XKR5: variants seen among roughly 807,000 people sequenced by gnomAD.
The protein encoded by XKR5 is XK related 5.
Under a neutral mutation model 40.8 loss-of-function variants are expected in XKR5, and 46 were observed. That is an observed-to-expected ratio of 1.13 (90% CI 0.89 to 1.44). The LOEUF (loss-of-function observed/expected upper bound fraction) is 1.44. Ranked by LOEUF, XKR5 falls within the 40% of genes most tolerant of loss-of-function variation. The pLI is 0.00. For missense variants in XKR5, 1,169 were observed against 844.7 expected (o/e 1.38, Z -4.76); for synonymous variants, 466 against 356.1 (o/e 1.31, Z -3.48).
rs114406382 is a variant in XKR5 at position 6,816,479 on chromosome 8, T to C, written c.808-561A>G. On this transcript the variant is annotated intron_variant, in intron 5 of 6. Transcript: ENST00000618742. ...GCCCCGTGGCTGCAGCTGGTCAAAATGGCAGATGGTCCAGAAGGCTCTTTG... is the reference window on the plus strand; with the variant it reads ...GCCCCGTGGCTGCAGCTGGTCAAAACGGCAGATGGTCCAGAAGGCTCTTTG... Among the ~76,000 whole-genome samples the C allele has an allele frequency of 4.4e-3, 672 of 152,176 alleles. 6 individuals are homozygous for C. Among genetic ancestry groups the C allele is most frequent in the African/African-American group, 0.015 (642 of 41,524 alleles).
In XKR5 at chr8:6,811,914, A is replaced by T; in HGVS notation, c.1345T>A (p.Leu449Met). The T allele has an allele frequency of 6.5e-7, 1 of 1,537,394 alleles. No homozygotes were observed. The highest frequency in any genetic ancestry group is 8.7e-7 in the Non-Finnish European group (1 of 1,146,944). Reference protein sequence around the residue: ...SQQDYLQRKALSAQQELPSSS... With the variant: ...SQQDYLQRKAMSAQQELPSSS... ...GATGGGAGCTCTTGCTGGGCAGACAAGGCCTTTCTCTGCAGGTAGTCCTGT... is the reference window on the plus strand; with the variant it reads ...GATGGGAGCTCTTGCTGGGCAGACATGGCCTTTCTCTGCAGGTAGTCCTGT... The change falls in exon 7 of 7, where the codon TTG (leucine) becomes ATG (methionine). Residue 449 changes from leucine to methionine, a missense_variant. Coordinates refer to ENST00000618742, the MANE Select transcript of XKR5 (RefSeq NM_207411.5).
At position 6,808,962 on chromosome 8, in the gene XKR5, T is replaced by C. The variant is rs1803560003; in HGVS notation, c.*2236A>G. On this transcript the variant is annotated 3_prime_UTR_variant, in exon 7 of 7. Transcript: ENST00000618742. ...CTTTTGCTGGACACTCTGCTGGACC[T>C]TGGAGTTAGCCCAGAAGGAGGACTG... is the stretch of plus-strand genomic sequence containing the variant. 6.6e-6 allele frequency: 1 copy of C among 152,238 alleles called. No individual in the cohort carries two copies. The highest frequency in any genetic ancestry group is 6.5e-5 in the Admixed American group (1 of 15,284). The allele number at this position is 152,238 out of a possible 1,614,324, so 9.4% of individuals were successfully genotyped here.
chr8:6,812,385 G>A, intron 6 of XKR5, 46 bp from the exon 7 acceptor site: 1 of 1,483,100 alleles, frequency 6.7e-7, no homozygotes, highest in Non-Finnish European at 9.0e-7. Context: ...TTTGAAGTCT[G>A]CATCCTCCCT....
rs905546087 is a variant in XKR5, at chr8:6,815,915, T to G, written c.811A>C (p.Met271Leu). Residue 271 changes from methionine to leucine, a missense_variant, in exon 6 of 7, where the codon ATG becomes CTG. Physicochemically the swap from Met to Leu is conservative, Grantham distance 15 (BLOSUM62 2). Coordinates refer to ENST00000618742, the MANE Select transcript of XKR5 (RefSeq NM_207411.5). ...RNRMVTFYMV[M>L]LLENIILLLL... ...AACAGGATGATGTTCTCCAACAGCA[T>G]GACCTGCGGGACCCAGGACAGAGGC... is the stretch of plus-strand genomic sequence containing the variant. 6.3e-7 allele frequency: 1 copy of G among 1,595,444 alleles called. No individual in the cohort carries two copies.
intron 5 of XKR5, among the ~76,000 whole-genome samples, chr8:6,818,970 A>G (rs1207223966): frequency 6.6e-6 from 1 of 152,228 alleles, no homozygotes; most frequent in African/African-American, 2.4e-5. Context: ...TGAGCCTAGA[A>G]AGTCGAGGCT....
intron 5 of XKR5, among the ~76,000 whole-genome samples, chr8:6,819,143 C>T (rs1442415528): frequency 1.3e-5 from 2 of 152,218 alleles, no homozygotes; most frequent in Non-Finnish European, 1.5e-5. Context: ...CATAGCTGAG[C>T]GATGCTTGGG....
intron 1 of XKR5, among the ~76,000 whole-genome samples, chr8:6,833,908 C>G (rs911006029): frequency 3.9e-5 from 6 of 152,212 alleles, no homozygotes; most frequent in Non-Finnish European, 8.8e-5. Context: ...TGTGCATCCT[C>G]GAGAACGATG....
intron 5 of XKR5, among the ~76,000 whole-genome samples, chr8:6,817,622 G>T (rs370675466): frequency 1.8e-4 from 27 of 152,288 alleles, no homozygotes; most frequent in African/African-American, 6.5e-4. Context: ...AGTGCTGCCA[G>T]GAGAAGGTAC....
chr8:6,811,218 C>G lies in XKR5; in HGVS notation c.2041G>C (p.Glu681Gln). The part of the protein sequence containing the change: ...DCSCREQMKQ[E>Q]PSFFI The stretch of plus-strand genomic sequence containing the variant: ...TGTGGTCAGATGAAAAAACTCGGCT[C>G]TTGCTTCATCTGTTCCCTGCAGCTG... Residue 681 changes from glutamate to glutamine, a missense_variant, in exon 7 of 7, where the codon GAG becomes CAG. Coordinates refer to ENST00000618742, the MANE Select transcript of XKR5 (RefSeq NM_207411.5). The G allele has an allele frequency of 6.5e-7, 1 of 1,536,124 alleles. No individual in the cohort carries two copies. The highest frequency in any genetic ancestry group is 1.2e-5 in the South Asian group (1 of 83,988).
At chr8:6,823,476 A>C (rs1563356371) in intron 4 of XKR5, 45 bp downstream of exon 4, 2 of 1,544,046 alleles carry the variant, frequency 1.3e-6, no homozygotes, top group Admixed American at 2.0e-5. Context: ...TTCTGGGTTG[A>C]TTGGTTATGC....
chr8:6,819,597 G>T (rs1340546963), intron 5 of XKR5, among the ~76,000 whole-genome samples: 1 of 152,186 alleles, frequency 6.6e-6, no homozygotes, highest in Non-Finnish European at 1.5e-5. Flanking sequence ...ACAGGGAGGG[G>T]CCCAGACTCA....
intron 3 of XKR5, among the ~76,000 whole-genome samples, chr8:6,824,346 G>C (rs1804367347): frequency 6.6e-6 from 1 of 151,948 alleles, no homozygotes; most frequent in South Asian, 2.1e-4. Context: ...GGGGAGAAAA[G>C]GGGATAGCAG....
rs188463828 is a variant in XKR5, at chr8:6,832,517, T to G, written c.242+200A>C. Among the ~76,000 whole-genome samples, 3 of 152,200 alleles carry G rather than the reference T, an allele frequency of 2.0e-5. No homozygotes were observed. In the East Asian group the frequency reaches 5.8e-4, roughly 29 times the overall value. On this transcript the variant is annotated intron_variant, in intron 2 of 6. Coordinates refer to ENST00000618742, the MANE Select transcript of XKR5 (RefSeq NM_207411.5). The stretch of plus-strand genomic sequence containing the variant: ...CACAGCTTCACAGAGAAAGAGCCCC[T>G]GAGGTTGGAGATGCTCAAAAAAGTG...
At chr8:6,817,292 C>T (rs1378945989) in intron 5 of XKR5, among the ~76,000 whole-genome samples, 3 of 152,190 alleles carry the variant, frequency 2.0e-5, no homozygotes, top group Non-Finnish European at 4.4e-5. Flanking sequence ...GTCCCTACTT[C>T]TCAACAGAGC....
At position 6,808,562 on chromosome 8, in the gene XKR5, G is replaced by A. The variant is rs9693931; in HGVS notation, c.*2636C>T. ...TTATTAGTCTTCTCTAATAAATATA[G>A]TGTATATTTTCTGATCCTTTTCATC... On this transcript the variant is annotated 3_prime_UTR_variant, in exon 7 of 7. Coordinates refer to ENST00000618742, the MANE Select transcript of XKR5 (RefSeq NM_207411.5). The A allele has an allele frequency of 0.39, 58,800 of 151,918 alleles. 12,023 individuals are homozygous for A. The highest frequency in any genetic ancestry group is 0.56 in the East Asian group (2,913 of 5,160). The allele number at this position is 151,918 out of a possible 1,614,324, so 9.4% of individuals were successfully genotyped here.
chr8:6,811,839 C>A lies in XKR5; in HGVS notation c.1420G>T (p.Val474Phe). ...TLENSSAFEG[V>F]PKAEADPLET... ...AATGGGTCGGCCTCTGCTTTAGGGA[C>A]ACCTTCAAACGCAGAGCTGTTCTCT... The change falls in exon 7 of 7, where the codon GTC becomes TTC. Residue 474 changes from valine to phenylalanine, a missense_variant. Coordinates refer to ENST00000618742, the MANE Select transcript of XKR5 (RefSeq NM_207411.5). 6.5e-7 allele frequency: 1 copy of A among 1,537,636 alleles called. No homozygotes were observed. The highest frequency in any genetic ancestry group is 8.7e-7 in the Non-Finnish European group (1 of 1,147,000).
chr8:6,825,754 G>A (rs1026757177), intron 2 of XKR5, among the ~76,000 whole-genome samples: 3 of 152,146 alleles, frequency 2.0e-5, no homozygotes, highest in Non-Finnish European at 4.4e-5. Flanking sequence ...GGTACTGTGT[G>A]TTATCATCTC....
At chr8:6,826,336 T>A (rs1356603781) in intron 2 of XKR5, among the ~76,000 whole-genome samples, 3 of 152,142 alleles carry the variant, frequency 2.0e-5, no homozygotes, top group Admixed American at 1.3e-4. Flanking sequence ...TGTGAGTGTG[T>A]GTGTGTGCAC....
intron 3 of XKR5, among the ~76,000 whole-genome samples, chr8:6,824,642 C>A (rs1804379271): frequency 6.6e-6 from 1 of 152,090 alleles, no homozygotes; most frequent in Non-Finnish European, 1.5e-5. Flanking sequence ...GTGATGCTAC[C>A]ACCTCAGCCT....
Sources: allele counts gnomAD v4.1 joint callset (sites outside exome capture counted in the v4.1 genomes callset), GRCh38; gene constraint gnomAD v4.1.1; transcripts MANE v1.5; gene names NCBI Gene and HGNC (gene_info 2026-07-23, HGNC 2026-07-21).